Variants in TRIM2 observed in about 807,000 individuals in gnomAD.
TRIM2 encodes tripartite motif containing 2.
A neutral mutation model predicts 75.2 loss-of-function variants in TRIM2; 20 were observed. That is an observed-to-expected ratio of 0.27 (90% CI 0.19 to 0.39). The LOEUF (loss-of-function observed/expected upper bound fraction) is 0.39. Ranked by LOEUF, TRIM2 falls within the 10% of genes least tolerant of loss-of-function variation. The pLI, the probability that TRIM2 is intolerant of heterozygous loss-of-function variation, is 1.00. For synonymous variants in TRIM2, 373 were observed against 388.3 expected (o/e 0.96, Z 0.46); for missense variants, 660 against 990.8 (o/e 0.67, Z 4.48).
At chr4:153,244,363 C>A in intron 1 of TRIM2, among the ~76,000 whole-genome samples, 1 of 36,354 alleles carries the variant, frequency 2.8e-5, no homozygotes, top group African/African-American at 2.2e-4. Context: ...TCCTCTTCTT[C>A]TTCTTCTTCT....
intron 1 of TRIM2, among the ~76,000 whole-genome samples, chr4:153,249,626 C>T (rs999173102): frequency 6.6e-6 from 1 of 152,030 alleles, no homozygotes; most frequent in African/African-American, 2.4e-5. Flanking sequence ...TCCCTGCTCC[C>T]GCCCCGGCCC....
intron 3 of TRIM2, among the ~76,000 whole-genome samples, chr4:153,290,636 T>C (rs1268796747): frequency 6.6e-6 from 1 of 152,188 alleles, no homozygotes; most frequent in Non-Finnish European, 1.5e-5. Flanking sequence ...GAATACTTTT[T>C]TGCTTTTTGA....
intron 6 of TRIM2, among the ~76,000 whole-genome samples, chr4:153,306,073 G>C (rs1232143267): frequency 1.3e-5 from 2 of 151,022 alleles, no homozygotes; most frequent in Non-Finnish European, 2.9e-5. Context: ...AGGTTGCATT[G>C]AGCCAAGATC....
Position 153,335,806 on chromosome 4 carries a change from G to A in TRIM2, c.*840G>A. 2.0e-6 allele frequency: 2 copies of A among 985,824 alleles called. No homozygotes were observed. The highest frequency in any genetic ancestry group is 2.4e-6 in the Non-Finnish European group (2 of 829,926). 61.1% of individuals were successfully genotyped at this position (985,824 alleles called of 1,614,324 possible). A position where few individuals can be genotyped will look rare whatever the true frequency, so the allele number is the denominator to read the frequency against. On this transcript the variant is annotated 3_prime_UTR_variant, in exon 12 of 12. Transcript: ENST00000338700. ...AAGTTAGTCATGTTTTATGTACCATGTTTTCACACGTGTCTCTTCTCTTCG... is the reference window on the plus strand; with the variant it reads ...AAGTTAGTCATGTTTTATGTACCATATTTTCACACGTGTCTCTTCTCTTCG...
intron 3 of TRIM2, among the ~76,000 whole-genome samples, chr4:153,282,095 G>T (rs549577005): frequency 2.0e-4 from 31 of 152,278 alleles, no homozygotes; most frequent in African/African-American, 6.7e-4. Context: ...AACATAAATG[G>T]TGACTATCCA....
chr4:153,239,925 G>T (rs895132430), intron 1 of TRIM2, among the ~76,000 whole-genome samples: 2 of 150,796 alleles, frequency 1.3e-5, no homozygotes, highest in Non-Finnish European at 2.9e-5. Flanking sequence ...CCTCCTGGGA[G>T]GCAGGCTCAA....
At chr4:153,242,577 A>G (rs1746920308) in intron 1 of TRIM2, among the ~76,000 whole-genome samples, 1 of 152,156 alleles carries the variant, frequency 6.6e-6, no homozygotes, top group African/African-American at 2.4e-5. Context: ...CATGAGAGCT[A>G]TTTGCTATTC....
chr4:153,172,712 A>G (rs574482939), intron 1 of TRIM2, among the ~76,000 whole-genome samples: 14 of 152,284 alleles, frequency 9.2e-5, no homozygotes, highest in African/African-American at 3.4e-4. Flanking sequence ...ACAGGATAGG[A>G]ACATAGAGAA....
At chr4:153,251,926 C>T (rs1465882609) in intron 1 of TRIM2, among the ~76,000 whole-genome samples, 2 of 127,088 alleles carry the variant, frequency 1.6e-5, no homozygotes, top group East Asian at 3.9e-4. Flanking sequence ...GCAGCAGTCA[C>T]GCCACTGCAC....
rs1772644000 is a variant in TRIM2 at position 153,337,954 on chromosome 4, A to G, written c.*2988A>G. 1.0e-6 allele frequency: 1 copy of G among 985,712 alleles called. No homozygotes were observed. Among genetic ancestry groups the G allele is most frequent in the African/African-American group, 1.7e-5 (1 of 57,214 alleles). 61.1% of individuals were successfully genotyped at this position (985,712 alleles called of 1,614,324 possible). On this transcript the variant is annotated 3_prime_UTR_variant, in exon 12 of 12. Transcript: ENST00000338700. ...GGCAGAGAGTCACTTGACCATCCAG[A>G]AATACATGACTACAAGTCCTTTATG...
intron 1 of TRIM2, among the ~76,000 whole-genome samples, chr4:153,229,258 G>A (rs529861088): frequency 5.9e-5 from 9 of 151,724 alleles, no homozygotes; most frequent in South Asian, 4.2e-4. Flanking sequence ...TTTTTGTTTC[G>A]TTTTGACTTG....
At chr4:153,181,410 G>A (rs1020952040) in intron 1 of TRIM2, among the ~76,000 whole-genome samples, 4 of 152,186 alleles carry the variant, frequency 2.6e-5, no homozygotes, top group East Asian at 1.9e-4. Flanking sequence ...ACAAGGCAGC[G>A]ACCATGTGAT....
At chr4:153,272,669 C>G (rs1756996407) in intron 2 of TRIM2, among the ~76,000 whole-genome samples, 1 of 152,032 alleles carries the variant, frequency 6.6e-6, no homozygotes, top group Admixed American at 6.5e-5. Flanking sequence ...CAGGGTTTCT[C>G]CATGTTGCCC....
At chr4:153,202,035 A>G (rs1734424717), upstream of TRIM2, among the ~76,000 whole-genome samples, 1 of 152,244 alleles carries the variant, frequency 6.6e-6, no homozygotes, top group African/African-American at 2.4e-5. Context: ...AGCCTCATAC[A>G]TCATTTAGAA....
upstream of TRIM2, among the ~76,000 whole-genome samples, chr4:153,152,853 T>C (rs569272538): frequency 6.6e-6 from 1 of 152,222 alleles, no homozygotes; most frequent in Non-Finnish European, 1.5e-5. Flanking sequence ...TCAGAAATAC[T>C]GTTGGGAAAA....
chr4:153,326,117 TG>T (rs1770104442), intron 10 of TRIM2, among the ~76,000 whole-genome samples: 1 of 152,236 alleles, frequency 6.6e-6, no homozygotes, highest in African/African-American at 2.4e-5. Flanking sequence ...TTAAAAAACT[TG>T]CTTTAAATAT....
Position 153,310,384 on chromosome 4 carries a change from A to G in TRIM2, c.1511-5101A>G, listed in dbSNP as rs146837913. The G allele has an allele frequency of 3.9e-5, 6 of 152,372 alleles. No individual in the cohort carries two copies. The East Asian group carries it at 1.2e-3, about 29-fold the overall frequency. The allele number at this position is 152,372 out of a possible 1,614,324, so 9.4% of individuals were successfully genotyped here. On this transcript the variant is annotated intron_variant, in intron 6 of 11. Coordinates refer to ENST00000338700, the MANE Select transcript of TRIM2 (RefSeq NM_015271.5). ...ACTTTCTACAAATGAAACAGAATTT[A>G]CTGAAAAGCTTGAAGAGTAAGGCAT...
At chr4:153,291,472 A>G (rs1172102452) in intron 3 of TRIM2, among the ~76,000 whole-genome samples, 1 of 152,182 alleles carries the variant, frequency 6.6e-6, no homozygotes, top group African/African-American at 2.4e-5. Flanking sequence ...TAAATTGGGT[A>G]TAAATAAAAG....
chr4:153,152,406 GTGTATATATATA>G (rs2047963287), upstream of TRIM2: 1 of 33,594 alleles, frequency 3.0e-5, no homozygotes, highest in Non-Finnish European at 1.7e-4. Flanking sequence ...ATATATATGT[GTGTATATATATA>G]TATATATATA....
Sources: gnomAD v4.1 joint callset for allele counts (sites outside exome capture counted in the v4.1 genomes callset) on GRCh38, gnomAD v4.1.1 for gene constraint, MANE v1.5 for transcripts, NCBI Gene and HGNC (gene_info 2026-07-23, HGNC 2026-07-21) for gene names.